Variants in ALDH5A1 observed in about 807,000 individuals in gnomAD.
The protein encoded by ALDH5A1 is aldehyde dehydrogenase 5 family member A1.
ALDH5A1 carries 33 observed loss-of-function variants against 54.7 expected under a neutral mutation model. That is an observed-to-expected ratio of 0.60 (90% confidence interval 0.46 to 0.81). The LOEUF is 0.81. Among genes scored for constraint, ALDH5A1 ranks in the 30% least tolerant of loss-of-function variants. ALDH5A1 has a pLI of 0.00. For missense variants in ALDH5A1, 657 were observed against 711.0 expected, an observed-to-expected ratio of 0.92 and a Z score of 0.86; for synonymous variants, 294 against 292.7, an observed-to-expected ratio of 1.00 and a Z score of -0.05.
At position 24,520,263 on chromosome 6, in the gene ALDH5A1, G is replaced by A. The variant is rs138492057; in HGVS notation, c.871-138G>A. 4.6e-3 allele frequency: 4,401 copies of A among 961,062 alleles called. 47 individuals are homozygous for A. Among genetic ancestry groups the A allele is most frequent in the South Asian group, 0.025 (1,951 of 77,188 alleles). The allele number at this position is 961,062 out of a possible 1,614,324, so 59.5% of individuals were successfully genotyped here. Reference sequence around the variant, plus strand: ...TGTAAATATATATTCTTATTTCTCCGTTTTCTTATGCAAAGTTATCCCATG... The same window carrying A: ...TGTAAATATATATTCTTATTTCTCCATTTTCTTATGCAAAGTTATCCCATG... On this transcript the variant is annotated intron_variant, in intron 5 of 9. Coordinates refer to ENST00000357578, the MANE Select transcript of ALDH5A1 (RefSeq NM_001080.3).
In ALDH5A1 at chr6:24,520,563, T is replaced by A. The variant is rs2127387329; in HGVS notation, c.1014+19T>A. ...TGGACAGGTGAGTCCTGGAGAGTAT[T>A]TCAGGATGTGTGTTTGCGTGTGCAT... On this transcript the variant is annotated intron_variant, in intron 6 of 9. Coordinates refer to ENST00000357578, the MANE Select transcript of ALDH5A1 (RefSeq NM_001080.3). 1.2e-6 allele frequency: 2 copies of A among 1,613,788 alleles called. No individual in the cohort carries two copies. Among genetic ancestry groups the A allele is most frequent in the Non-Finnish European group, 1.7e-6 (2 of 1,179,924 alleles).
intron 9 of ALDH5A1, among the ~76,000 whole-genome samples, chr6:24,533,257 G>T (rs564044938): frequency 4.6e-5 from 7 of 152,304 alleles, no homozygotes; most frequent in African/African-American, 1.7e-4. Context: ...TGTGCAGGTG[G>T]ATTGAATAGT....
intron 7 of ALDH5A1, among the ~76,000 whole-genome samples, chr6:24,526,707 A>G (rs1275820338): frequency 4.0e-5 from 6 of 151,334 alleles, no homozygotes; most frequent in African/African-American, 1.5e-4. Context: ...AATTGGGAAA[A>G]TGGAGGAAGT....
intron 7 of ALDH5A1, among the ~76,000 whole-genome samples, chr6:24,523,218 G>A (rs1267068926): frequency 6.7e-6 from 1 of 148,498 alleles, no homozygotes; most frequent in Non-Finnish European, 1.5e-5. Context: ...TAACTATCCT[G>A]ATTAGAGTAT....
rs528962780 is a variant in ALDH5A1, at chr6:24,536,448, A to T, written c.*2736A>T. 1 of 152,256 alleles carries T rather than the reference A, an allele frequency of 6.6e-6. No homozygotes were observed. The highest frequency in any genetic ancestry group is 1.5e-5 in the Non-Finnish European group (1 of 68,050). 9.4% of individuals were successfully genotyped at this position (152,256 alleles called of 1,614,324 possible). A position where few individuals can be genotyped will look rare whatever the true frequency, so the allele number is the denominator to read the frequency against. ...GACTGCTTTCTTGGCAGAGTTGAAT[A>T]GTTGGGACAGGGACAGTATAGCCTG... On this transcript the variant is annotated 3_prime_UTR_variant, in exon 10 of 10. Coordinates refer to ENST00000357578, the MANE Select transcript of ALDH5A1 (RefSeq NM_001080.3).
intron 2 of ALDH5A1, among the ~76,000 whole-genome samples, chr6:24,502,912 T>A (rs990948820): frequency 2.6e-5 from 4 of 152,030 alleles, no homozygotes; most frequent in Non-Finnish European, 5.9e-5. Flanking sequence ...TTTTTTTTTT[T>A]AAACTTGTTT....
rs807514 is a variant in ALDH5A1 at position 24,518,588 on chromosome 6, T to A, written c.871-1813T>A. Among the ~76,000 whole-genome samples the A allele has an allele frequency of 1.3e-5, 2 of 152,156 alleles. No homozygotes were observed. The highest frequency in any genetic ancestry group is 2.9e-5 in the Non-Finnish European group (2 of 68,020). On this transcript the variant is annotated intron_variant, in intron 5 of 9. Transcript: ENST00000357578. The surrounding 1 kb of genome is among the most constrained non-coding windows in gnomAD (Gnocchi z 4.2). Reference sequence around the variant, plus strand: ...TTTTAAATAAAAACATAAAAAAAGTTTAAATAGTTATGTTGCGTCCGATAA... The same window carrying A: ...TTTTAAATAAAAACATAAAAAAAGTATAAATAGTTATGTTGCGTCCGATAA...
At position 24,502,116 on chromosome 6, in the gene ALDH5A1, G is replaced by A. The variant is rs141325760; in HGVS notation, c.355-407G>A. Among the ~76,000 whole-genome samples the A allele has an allele frequency of 4.8e-3, 733 of 152,166 alleles. 5 individuals carry two copies. Among genetic ancestry groups the A allele is most frequent in the Admixed American group, 8.2e-3 (126 of 15,286 alleles). On this transcript the variant is annotated intron_variant, in intron 1 of 9. Coordinates refer to ENST00000357578, the MANE Select transcript of ALDH5A1 (RefSeq NM_001080.3). ...ATGTCCAGTCTGAGTTCCAGACTGG[G>A]TCCAAAGTCCTGAGTACCAGGAATG...
intron 4 of ALDH5A1, among the ~76,000 whole-genome samples, chr6:24,510,265 G>A (rs897384520): frequency 2.0e-5 from 3 of 152,156 alleles, no homozygotes; most frequent in Non-Finnish European, 2.9e-5. Flanking sequence ...CTAATAAATA[G>A]AATGTATATT....
chr6:24,528,313 G>T, intron 8 of ALDH5A1, 147 bp downstream of exon 8: 1 of 844,156 alleles, frequency 1.2e-6, no homozygotes, highest in Non-Finnish European at 1.8e-6. Context: ...GCAATTTATG[G>T]GTTTTTAAAA....
Position 24,520,603 on chromosome 6 carries a change from ATG to A in ALDH5A1, c.1014+72_1014+73del, listed in dbSNP as rs199737070. Reference sequence around the variant, plus strand: ...TGCGTGTGCATGTGTGAGTGTGTGTATGTGTGTGTGTGTGATATGTGTGCATG... The same window carrying A: ...TGCGTGTGCATGTGTGAGTGTGTGTATGTGTGTGTGTGATATGTGTGCATG... On this transcript the variant is annotated intron_variant, in intron 6 of 9. Coordinates refer to ENST00000357578, the MANE Select transcript of ALDH5A1 (RefSeq NM_001080.3). The A allele has an allele frequency of 0.039, 60,564 of 1,571,490 alleles. 2,711 individuals carry two copies. Among genetic ancestry groups the A allele is most frequent in the African/African-American group, 0.23 (16,692 of 73,772 alleles).
chr6:24,532,232 C>G, intron 9 of ALDH5A1, 55 bp downstream of exon 9: 2 of 1,547,004 alleles, frequency 1.3e-6, no homozygotes, highest in East Asian at 2.2e-5. Flanking sequence ...CCAGCTCATG[C>G]CAGATTTACC....
In ALDH5A1 at chr6:24,526,974, G is replaced by GTATATATA. The variant is rs58873176; in HGVS notation, c.1174-996_1174-989dup. On this transcript the variant is annotated intron_variant, in intron 7 of 9. Coordinates refer to ENST00000357578, the MANE Select transcript of ALDH5A1 (RefSeq NM_001080.3). The stretch of plus-strand genomic sequence containing the variant: ...ATCTAATATATATATATGTGTGTGT[G>GTATATATA]TATATATATATATATATATATATAT... Among the ~76,000 whole-genome samples, 151 of 30,586 alleles carry GTATATATA rather than the reference G, an allele frequency of 4.9e-3. 2 individuals carry two copies. The highest frequency in any genetic ancestry group is 0.015 in the South Asian group (20 of 1,302). The allele number at this position is 30,586 out of a possible 152,430, so 20.1% of individuals were successfully genotyped here. A position where few individuals can be genotyped will look rare whatever the true frequency, so the allele number is the denominator to read the frequency against.
chr6:24,522,801 G>T lies in ALDH5A1; in HGVS notation c.1049G>T (p.Arg350Met), dbSNP rs941636497. ...TGCTCAAACCAATTCTTGGTGCAAA[G>T]GGGCATCCATGATGCCTTTGTAAAA... is the stretch of plus-strand genomic sequence containing the variant. Reference protein sequence around the residue: ...CVCSNQFLVQRGIHDAFVKAF... With the variant: ...CVCSNQFLVQMGIHDAFVKAF... The change falls in exon 7 of 10, where the codon AGG becomes ATG. Residue 350 changes from arginine to methionine, a missense_variant. Around this residue, in one of 2 missense-constraint regions of ALDH5A1, gnomAD observed 425 missense variants for 516.4 expected, o/e 0.82. Coordinates refer to ENST00000357578, the MANE Select transcript of ALDH5A1 (RefSeq NM_001080.3). The T allele has an allele frequency of 1.9e-6, 3 of 1,614,072 alleles. No individual in the cohort carries two copies. Among genetic ancestry groups the T allele is most frequent in the Non-Finnish European group, 2.5e-6 (3 of 1,180,002 alleles).
intron 6 of ALDH5A1, chr6:24,522,500 T>TGTGTGTGTGTGTGTGTGTGTGTGTGG: frequency 2.6e-6 from 1 of 391,142 alleles, no homozygotes; most frequent in Non-Finnish European, 4.9e-6. Context: ...TGTGTGTGTG[T>TGTGTGTGTGTGTGTGTGTGTGTGTGG]GTGTACAGGT....
intron 8 of ALDH5A1, among the ~76,000 whole-genome samples, chr6:24,530,875 C>A (rs531781083): frequency 6.6e-6 from 1 of 152,234 alleles, no homozygotes; most frequent in Non-Finnish European, 1.5e-5. Flanking sequence ...TCACCTGGAA[C>A]TCACAGGCGT....
rs79497499 is a variant in ALDH5A1 at position 24,518,550 on chromosome 6, G to A, written c.871-1851G>A. On this transcript the variant is annotated intron_variant, in intron 5 of 9. Coordinates refer to ENST00000357578, the MANE Select transcript of ALDH5A1 (RefSeq NM_001080.3). The surrounding 1 kb of genome is among the most constrained non-coding windows in gnomAD (Gnocchi z 4.2). The stretch of plus-strand genomic sequence containing the variant: ...AGCAAATCCAGGAAAAGTCAATGAC[G>A]TTTCTTAAAAATTTTTAAATAAAAA... 6.0e-3 allele frequency among the ~76,000 whole-genome samples: 917 copies of A among 152,284 alleles called. 7 individuals carry two copies. The highest frequency in any genetic ancestry group is 0.021 in the African/African-American group (858 of 41,550).
intron 7 of ALDH5A1, among the ~76,000 whole-genome samples, chr6:24,526,370 T>G (rs1440974934): frequency 4.6e-5 from 7 of 152,112 alleles, no homozygotes; most frequent in Non-Finnish European, 1.0e-4. Context: ...TTTCTAAAAA[T>G]CTCATAGTGT....
intron 4 of ALDH5A1, among the ~76,000 whole-genome samples, chr6:24,513,467 G>T (rs1431275831): frequency 1.3e-5 from 2 of 152,176 alleles, no homozygotes; most frequent in Non-Finnish European, 2.9e-5. Context: ...AGAAGGCCCA[G>T]TTAGGAATAT....
Sources: allele counts gnomAD v4.1 joint callset (sites outside exome capture counted in the v4.1 genomes callset), GRCh38; gene constraint gnomAD v4.1.1; regional missense constraint gnomAD v4.1.1; non-coding constraint Gnocchi (gnomAD v3.1); transcripts MANE v1.5; gene names NCBI Gene and HGNC (gene_info 2026-07-23, HGNC 2026-07-21).